Variants in SOX5 observed in about 807,000 individuals in gnomAD.
SOX5 encodes transcription factor SOX-5.
Under a neutral mutation model 92.0 loss-of-function variants are expected in SOX5, and 9 were observed. The observed-to-expected ratio is 0.10, with a 90% CI of 0.06 to 0.17. The LOEUF (loss-of-function observed/expected upper bound fraction) is 0.17. Ranked by LOEUF, SOX5 falls within the 10% of genes least tolerant of loss-of-function variation. The probability of loss-of-function intolerance (pLI) is 1.00; values close to 1 mark genes in which losing one functional copy is unlikely to be tolerated. For missense variants in SOX5, 642 were observed against 944.5 expected (o/e 0.68, Z 4.20); for synonymous variants, 344 against 336.3 (o/e 1.02, Z -0.25).
chr12:23,543,102 C>G (rs1251333933), intron 13 of SOX5, 109 bp downstream of exon 13: 9 of 815,640 alleles, frequency 1.1e-5, no homozygotes, highest in Non-Finnish European at 1.7e-5. Flanking sequence ...TCTGGATAAG[C>G]AAATAACACG....
intron 12 of SOX5, among the ~76,000 whole-genome samples, chr12:23,543,680 T>TC (rs1942564188): frequency 6.6e-6 from 1 of 152,180 alleles, no homozygotes. Flanking sequence ...TGATTTTTGA[T>TC]GCAATTCGGA....
intron 1 of SOX5, among the ~76,000 whole-genome samples, chr12:24,505,206 T>G (rs1948603561): frequency 6.6e-6 from 1 of 152,238 alleles, no homozygotes; most frequent in Admixed American, 6.5e-5. Flanking sequence ...TCTGCTAAAT[T>G]AGATCAACAT....
chr12:24,305,485 C>T (rs1053020888), intron 2 of SOX5, among the ~76,000 whole-genome samples: 1 of 151,988 alleles, frequency 6.6e-6, no homozygotes, highest in Non-Finnish European at 1.5e-5. Context: ...GTGTCTGCTA[C>T]GAGGGAGAGG....
chr12:23,738,171 G>C (rs2093670410), intron 5 of SOX5, among the ~76,000 whole-genome samples: 1 of 152,144 alleles, frequency 6.6e-6, no homozygotes, highest in Non-Finnish European at 1.5e-5. Flanking sequence ...TGGGGGAAAG[G>C]CTCATCAGTA....
chr12:24,531,946 C>T (rs1013045625), intron 1 of SOX5, among the ~76,000 whole-genome samples: 5 of 152,154 alleles, frequency 3.3e-5, no homozygotes, highest in Non-Finnish European at 7.3e-5. Flanking sequence ...CAGAGAAAGA[C>T]CTCAAAATTA....
chr12:24,111,794 C>T (rs985198624), intron 4 of SOX5, among the ~76,000 whole-genome samples: 12 of 152,260 alleles, frequency 7.9e-5, no homozygotes, highest in African/African-American at 2.2e-4. Context: ...AAAAACTTTC[C>T]GTTTCCTTTA....
At chr12:23,931,541 T>C (rs1185321872) in intron 1 of SOX5, among the ~76,000 whole-genome samples, 1 of 151,756 alleles carries the variant, frequency 6.6e-6, no homozygotes, top group Non-Finnish European at 1.5e-5. Context: ...TAGGAAACTT[T>C]GGTAACGAAA....
chr12:24,546,210 C>T (rs1326647002), intron 1 of SOX5, among the ~76,000 whole-genome samples: 4 of 152,294 alleles, frequency 2.6e-5, no homozygotes, highest in Non-Finnish European at 5.9e-5. Context: ...GGGATGTGTG[C>T]TCTAACAATT....
chr12:24,391,987 G>T (rs1959041371), intron 1 of SOX5, among the ~76,000 whole-genome samples: 1 of 152,132 alleles, frequency 6.6e-6, no homozygotes, highest in East Asian at 1.9e-4. Context: ...CTCTCCCAAT[G>T]AGTATGACTT....
At chr12:24,208,774 T>C (rs1958283397) in intron 4 of SOX5, among the ~76,000 whole-genome samples, 1 of 152,202 alleles carries the variant, frequency 6.6e-6, no homozygotes, top group Non-Finnish European at 1.5e-5. Context: ...ACAGGTTTAC[T>C]TCCAAGTGAA....
chr12:23,662,960 C>T (rs534908150), intron 7 of SOX5, among the ~76,000 whole-genome samples: 2 of 152,058 alleles, frequency 1.3e-5, no homozygotes, highest in Admixed American at 6.6e-5. Flanking sequence ...AATTGGCAAC[C>T]GGAAAAGTCA....
chr12:24,057,225 C>T (rs1958223631), intron 4 of SOX5, among the ~76,000 whole-genome samples: 1 of 151,738 alleles, frequency 6.6e-6, no homozygotes, highest in South Asian at 2.1e-4. Context: ...GACACAAAGA[C>T]TCATATAAAG....
chr12:24,229,771 G>A (rs936054830), intron 3 of SOX5, among the ~76,000 whole-genome samples: 6 of 152,154 alleles, frequency 3.9e-5, no homozygotes, highest in South Asian at 2.1e-4. Context: ...GTTGTGACCC[G>A]GCTAATAGGC....
chr12:23,834,118 GT>G (rs2135695627), intron 3 of SOX5, among the ~76,000 whole-genome samples: 1 of 152,056 alleles, frequency 6.6e-6, no homozygotes, highest in Non-Finnish European at 1.5e-5. Context: ...TGACAAAGTT[GT>G]TTGAGGATCA....
intron 4 of SOX5, among the ~76,000 whole-genome samples, chr12:23,746,277 T>C (rs2093981632): frequency 6.6e-6 from 1 of 152,122 alleles, no homozygotes; most frequent in African/African-American, 2.4e-5. Flanking sequence ...GAATATTAAC[T>C]AGATCCTTGG....
At chr12:24,512,334 C>A (rs1949397101) in intron 1 of SOX5, among the ~76,000 whole-genome samples, 3 of 152,216 alleles carry the variant, frequency 2.0e-5, no homozygotes, top group African/African-American at 7.2e-5. Flanking sequence ...CTAAGACTGT[C>A]ATAAGCTGTA....
rs140658477 is a variant in SOX5, at chr12:24,337,802, G to A, written c.-174+30761C>T. On this transcript the variant is annotated intron_variant, in intron 2 of 4. Coordinates refer to the SOX5 transcript ENST00000446891. The stretch of plus-strand genomic sequence containing the variant: ...ACGTAGACCTTTAAGGCACTGAAAC[G>A]TTTTCAATATTATTTTTAACAGATG... Among the ~76,000 whole-genome samples, 146 of 152,254 alleles carry A rather than the reference G, an allele frequency of 9.6e-4. 1 individual carries two copies. The highest frequency in any genetic ancestry group is 3.2e-3 in the African/African-American group (135 of 41,564).
chr12:24,465,911 C>T (rs1944181526), intron 1 of SOX5, among the ~76,000 whole-genome samples: 2 of 152,160 alleles, frequency 1.3e-5, no homozygotes, highest in African/African-American at 4.8e-5. Context: ...AGCACTTCCC[C>T]ATAGATGGGA....
At chr12:24,081,837 C>T (rs190382639) in intron 4 of SOX5, among the ~76,000 whole-genome samples, 2 of 152,066 alleles carry the variant, frequency 1.3e-5, no homozygotes, top group Admixed American at 1.3e-4. Context: ...CTCTATCAAA[C>T]GTGTCTTTCT....
Sources: allele counts gnomAD v4.1 joint callset (sites outside exome capture counted in the v4.1 genomes callset), GRCh38; gene constraint gnomAD v4.1.1; transcripts MANE v1.5; gene names NCBI Gene and HGNC (gene_info 2026-07-23, HGNC 2026-07-21).